Variants in HDAC1 observed in about 807,000 individuals in gnomAD.
HDAC1 encodes protein deacetylase HDAC1.
Under a neutral mutation model 65.5 loss-of-function variants are expected in HDAC1, and 18 were observed. The observed-to-expected ratio is 0.27, with a 90% CI of 0.19 to 0.41. The LOEUF (loss-of-function observed/expected upper bound fraction) is 0.41. Ranked by LOEUF, HDAC1 falls within the 10% of genes least tolerant of loss-of-function variation. The pLI, the probability that HDAC1 is intolerant of heterozygous loss-of-function variation, is 1.00. For missense variants in HDAC1, 373 were observed against 625.2 expected (o/e 0.60, Z 4.30); for synonymous variants, 211 against 227.9 (o/e 0.93, Z 0.67).
intron 3 of HDAC1, among the ~76,000 whole-genome samples, chr1:32,324,175 G>A (rs1390690184): frequency 6.6e-6 from 1 of 152,148 alleles, no homozygotes; most frequent in African/African-American, 2.4e-5. Flanking sequence ...TTGGGAGACT[G>A]AGGTGGAAGG....
intron 3 of HDAC1, 122 bp downstream of exon 3, chr1:32,316,904 C>T: frequency 2.9e-6 from 2 of 698,710 alleles, no homozygotes; most frequent in Non-Finnish European, 5.2e-6. Flanking sequence ...CCCCTACCTC[C>T]TAAAGGTGCC....
chr1:32,294,456 G>A (rs1291408710), intron 1 of HDAC1, among the ~76,000 whole-genome samples: 1 of 149,468 alleles, frequency 6.7e-6, no homozygotes, highest in Non-Finnish European at 1.5e-5. Flanking sequence ...TCTGATGTGG[G>A]CAATTTGATG....
intron 1 of HDAC1, among the ~76,000 whole-genome samples, chr1:32,296,373 C>G (rs552567736): frequency 6.6e-6 from 1 of 151,970 alleles, no homozygotes. Context: ...CAGGTTGAAC[C>G]CTTTTTTTGG....
rs148321776 is a variant in HDAC1 at position 32,331,784 on chromosome 1, C to T, written c.1197C>T (p.Asp399=). The stretch of plus-strand genomic sequence containing the variant: ...AGGAGAGTGGCGATGAGGACGAAGA[C>T]GACCCTGACAAGCGCATCTCGAGTG... The part of the protein sequence containing the change: ...IPEESGDEDE[D]DPDKRISICS... The change falls in exon 11 of 14, where the codon GAC becomes GAT. Residue 399 remains aspartate (D), a synonymous_variant. Transcript: ENST00000373548. This position sits in a 1 kb window ranked among gnomAD's most constrained non-coding sequence, Gnocchi z 4.2. 161 of 1,612,976 alleles carry T rather than the reference C, an allele frequency of 1.0e-4. No individual in the cohort carries two copies. The highest frequency in any genetic ancestry group is 3.5e-4 in the Admixed American group (21 of 59,796).
Position 32,330,165 on chromosome 1 carries a change from G to T in HDAC1, c.730-413G>T, listed in dbSNP as rs1421146427. On this transcript the variant is annotated intron_variant, in intron 7 of 13. Coordinates refer to ENST00000373548, the MANE Select transcript of HDAC1 (RefSeq NM_004964.3). This position sits in a 1 kb window ranked among gnomAD's most constrained non-coding sequence, Gnocchi z 4.2. ...TGTGGTCTCGGTCTCAGTAACGTTAGACTCTGCTTGTGAGAATAAGATAAA... is the reference window on the plus strand; with the variant it reads ...TGTGGTCTCGGTCTCAGTAACGTTATACTCTGCTTGTGAGAATAAGATAAA... 1.0e-5 allele frequency: 2 copies of T among 197,916 alleles called. No individual in the cohort carries two copies. Among genetic ancestry groups the T allele is most frequent in the African/African-American group, 2.3e-5 (1 of 42,604 alleles). The allele number at this position is 197,916 out of a possible 1,614,324, so 12.3% of individuals were successfully genotyped here. A position where few individuals can be genotyped will look rare whatever the true frequency, so the allele number is the denominator to read the frequency against.
In HDAC1 at chr1:32,332,719, A is replaced by C; in HGVS notation, c.1391A>C (p.Lys464Thr). ...GTTCTAGAAGTCACCGAAGAGGAGA[A>C]AACCAAGGAGGAGAAGCCAGAAGCC... ...EEKKEVTEEE[K>T]TKEEKPEAKG... The change falls in exon 13 of 14, where the codon AAA becomes ACA. Residue 464 changes from lysine to threonine, a missense_variant. Physicochemically the swap from Lys to Thr is moderately conservative, Grantham distance 78. Around this residue, in one of 4 missense-constraint regions of HDAC1, gnomAD observed 126 missense variants for 126.2 expected, o/e 1.00. Coordinates refer to ENST00000373548, the MANE Select transcript of HDAC1 (RefSeq NM_004964.3). 1 of 1,555,800 alleles carries C rather than the reference A, an allele frequency of 6.4e-7. No individual in the cohort carries two copies. The highest frequency in any genetic ancestry group is 1.2e-5 in the South Asian group (1 of 84,264).
At chr1:32,319,155 A>G (rs539429238) in intron 3 of HDAC1, among the ~76,000 whole-genome samples, 4 of 152,202 alleles carry the variant, frequency 2.6e-5, no homozygotes, top group Non-Finnish European at 5.9e-5. Flanking sequence ...CTATAGTCTC[A>G]GCTACTTAGG....
At chr1:32,296,835 C>T (rs1215989984) in intron 1 of HDAC1, among the ~76,000 whole-genome samples, 1 of 152,130 alleles carries the variant, frequency 6.6e-6, no homozygotes, top group African/African-American at 2.4e-5. Flanking sequence ...AGGAAAGGGA[C>T]TAGTAGTGAT....
chr1:32,324,252 C>G (rs1191869383), intron 3 of HDAC1, among the ~76,000 whole-genome samples: 1 of 152,022 alleles, frequency 6.6e-6, no homozygotes, highest in Non-Finnish European at 1.5e-5. Flanking sequence ...CCACTGCACT[C>G]CAGCATGGGC....
At position 32,295,400 on chromosome 1, in the gene HDAC1, C is replaced by CA. The variant is rs113966477; in HGVS notation, c.49+3195dup. On this transcript the variant is annotated intron_variant, in intron 1 of 13. Coordinates refer to ENST00000373548, the MANE Select transcript of HDAC1 (RefSeq NM_004964.3). The stretch of plus-strand genomic sequence containing the variant: ...TGGGGGACAGAGTGAGACCTTGTGT[C>CA]AAAAAAAAAAAAAGAACATAAATGT... Among the ~76,000 whole-genome samples the CA allele has an allele frequency of 7.4e-3, 1,004 of 135,476 alleles. 5 individuals carry two copies. The highest frequency in any genetic ancestry group is 9.3e-3 in the Non-Finnish European group (583 of 62,356). 88.9% of individuals were successfully genotyped at this position (135,476 alleles called of 152,430 possible). A position where few individuals can be genotyped will look rare whatever the true frequency, so the allele number is the denominator to read the frequency against.
At chr1:32,298,354 T>A (rs1640799710) in intron 1 of HDAC1, among the ~76,000 whole-genome samples, 1 of 152,014 alleles carries the variant, frequency 6.6e-6, no homozygotes, top group Admixed American at 6.6e-5. Context: ...CCCAAAGTGT[T>A]GGGATTACAG....
In HDAC1 at chr1:32,322,912, G is replaced by T. The variant is rs74337923; in HGVS notation, c.281-1567G>T. ...CTCCGCACAGTGGGGTTGATATCTG[G>T]CTTGTCCAGCTCATAGAGTTGTTGT... On this transcript the variant is annotated intron_variant, in intron 3 of 13. Transcript: ENST00000373548. Among the ~76,000 whole-genome samples the T allele has an allele frequency of 9.7e-3, 1,474 of 152,202 alleles. 23 individuals are homozygous for T. The highest frequency in any genetic ancestry group is 0.032 in the African/African-American group (1,345 of 41,528).
At chr1:32,306,174 TTTTTTC>T (rs1213120887) in intron 2 of HDAC1, among the ~76,000 whole-genome samples, 4 of 151,920 alleles carry the variant, frequency 2.6e-5, no homozygotes, top group South Asian at 2.1e-4. Context: ...CCTTTCACTT[TTTTTTC>T]TTTTTCTTTT....
At chr1:32,308,045 C>T (rs561059768) in intron 2 of HDAC1, among the ~76,000 whole-genome samples, 3 of 152,336 alleles carry the variant, frequency 2.0e-5, no homozygotes, top group African/African-American at 4.8e-5. Flanking sequence ...TCGGGCCGGG[C>T]GCAGTGGCTC....
intron 4 of HDAC1, among the ~76,000 whole-genome samples, 182 bp downstream of exon 4, chr1:32,324,735 T>G (rs1641194236): frequency 6.6e-6 from 1 of 152,064 alleles, no homozygotes; most frequent in Admixed American, 6.6e-5. Context: ...TTTGAGAGGC[T>G]GAGGAGGAGG....
At chr1:32,317,843 ACT>A (rs1553157958) in intron 3 of HDAC1, among the ~76,000 whole-genome samples, 2 of 152,160 alleles carry the variant, frequency 1.3e-5, no homozygotes, top group Non-Finnish European at 2.9e-5. Context: ...ATCAGGCTCT[ACT>A]CTCAGCACAG....
chr1:32,315,546 T>G (rs1282930536), intron 2 of HDAC1, among the ~76,000 whole-genome samples: 1 of 151,136 alleles, frequency 6.6e-6, no homozygotes, highest in Non-Finnish European at 1.5e-5. Context: ...AGAGACCAGA[T>G]TTCATCATAT....
Position 32,329,412 on chromosome 1 carries a change from A to G in HDAC1, c.729+252A>G. On this transcript the variant is annotated intron_variant, in intron 7 of 13. Transcript: ENST00000373548. This position sits in a 1 kb window ranked among gnomAD's most constrained non-coding sequence, Gnocchi z 4.1. ...GACATGATCTTTGCCCTCACGGACTATGGTGGGGAAGGCAGGCACATACCC... is the reference window on the plus strand; with the variant it reads ...GACATGATCTTTGCCCTCACGGACTGTGGTGGGGAAGGCAGGCACATACCC... 2 of 578,438 alleles carry G rather than the reference A, an allele frequency of 3.5e-6. No homozygotes were observed. The highest frequency in any genetic ancestry group is 6.2e-6 in the Non-Finnish European group (2 of 322,874). The allele number at this position is 578,438 out of a possible 1,614,324, so 35.8% of individuals were successfully genotyped here. A position where few individuals can be genotyped will look rare whatever the true frequency, so the allele number is the denominator to read the frequency against.
intron 2 of HDAC1, among the ~76,000 whole-genome samples, chr1:32,306,253 C>A (rs551088278): frequency 1.3e-5 from 2 of 149,284 alleles, no homozygotes; most frequent in East Asian, 4.0e-4. Context: ...TGCAATGGCG[C>A]GATCTTGGCT....
Sources: allele counts gnomAD v4.1 joint callset (sites outside exome capture counted in the v4.1 genomes callset), GRCh38; gene constraint gnomAD v4.1.1; regional missense constraint gnomAD v4.1.1; non-coding constraint Gnocchi (gnomAD v3.1); transcripts MANE v1.5; gene names NCBI Gene and HGNC (gene_info 2026-07-23, HGNC 2026-07-21).